Variants in LMAN1 observed in about 807,000 individuals in gnomAD.
The protein encoded by LMAN1 is lectin, mannose binding 1, also known as protein ERGIC-53.
Under a neutral mutation model 67.8 loss-of-function variants are expected in LMAN1, and 32 were observed. The ratio of observed to expected loss-of-function variants is 0.47; its 90% CI spans 0.36 to 0.63. The LOEUF (loss-of-function observed/expected upper bound fraction) is 0.63. Among genes scored for constraint, LMAN1 ranks in the 30% least tolerant of loss-of-function variants. The probability of loss-of-function intolerance (pLI) is 0.00; values close to 1 mark genes in which losing one functional copy is unlikely to be tolerated. For synonymous variants in LMAN1, 235 were observed against 219.3 expected (o/e 1.07, Z -0.63); for missense variants, 632 against 628.2 (o/e 1.01, Z -0.06).
chr18:59,347,124 A>C (rs922667430), intron 7 of LMAN1, among the ~76,000 whole-genome samples: 1 of 151,742 alleles, frequency 6.6e-6, no homozygotes, highest in Non-Finnish European at 1.5e-5. Flanking sequence ...CCAGCTACTC[A>C]GGAGGCTGAG....
chr18:59,352,324 C>A (rs1298663516), intron 5 of LMAN1, among the ~76,000 whole-genome samples: 1 of 152,204 alleles, frequency 6.6e-6, no homozygotes, highest in African/African-American at 2.4e-5. Context: ...CTTGACTCAA[C>A]AACTGTGTTC....
In LMAN1 at chr18:59,357,634, A is replaced by G. The variant is rs376939370; in HGVS notation, c.214+1397T>C. On this transcript the variant is annotated intron_variant, in intron 1 of 12. Transcript: ENST00000251047. ...AACGAAATAACTGCACTCTACTTCA[A>G]CTACTTAATGACTTGGTCATTAAGT... is the stretch of plus-strand genomic sequence containing the variant. Among the ~76,000 whole-genome samples, 4 of 152,312 alleles carry G rather than the reference A, an allele frequency of 2.6e-5. No individual in the cohort carries two copies. The East Asian group carries it at 7.7e-4, about 29-fold the overall frequency.
intron 10 of LMAN1, among the ~76,000 whole-genome samples, chr18:59,334,203 C>T (rs1374910102): frequency 6.6e-6 from 1 of 152,170 alleles, no homozygotes; most frequent in Non-Finnish European, 1.5e-5. Context: ...CATGAACTTG[C>T]TTAGGTATAA....
chr18:59,347,139 G>A (rs1908428899), intron 7 of LMAN1, among the ~76,000 whole-genome samples: 1 of 151,420 alleles, frequency 6.6e-6, no homozygotes, highest in East Asian at 2.0e-4. Flanking sequence ...GCTGAGGCAG[G>A]AGAAGTGCAG....
intron 10 of LMAN1, among the ~76,000 whole-genome samples, chr18:59,337,499 T>C (rs982572645): frequency 2.0e-5 from 3 of 152,166 alleles, no homozygotes; most frequent in African/African-American, 7.2e-5. Context: ...ACCATGGTTA[T>C]ATAAATTAGA....
At chr18:59,356,209 TATATAC>T (rs1215744494) in intron 1 of LMAN1, among the ~76,000 whole-genome samples, 2 of 152,192 alleles carry the variant, frequency 1.3e-5, no homozygotes, top group Admixed American at 1.3e-4. Flanking sequence ...ATACTGTACT[TATATAC>T]ATTCTTCCAT....
chr18:59,350,372 T>C (rs1908513389), intron 5 of LMAN1, among the ~76,000 whole-genome samples: 1 of 152,242 alleles, frequency 6.6e-6, no homozygotes, highest in African/African-American at 2.4e-5. Flanking sequence ...TTAAAAAGAC[T>C]GTAGATTATT....
chr18:59,348,763 C>A (rs1413398204), intron 6 of LMAN1, among the ~76,000 whole-genome samples: 1 of 152,170 alleles, frequency 6.6e-6, no homozygotes, highest in Non-Finnish European at 1.5e-5. Flanking sequence ...TGTGACTAGC[C>A]AAGACTGCTA....
chr18:59,349,063 A>T (rs1225577308), intron 6 of LMAN1, 50 bp downstream of exon 6: 8 of 1,609,292 alleles, frequency 5.0e-6, no homozygotes, highest in Non-Finnish European at 6.8e-6. Context: ...TACTATTCCC[A>T]ATAAAACACA....
chr18:59,349,396 TAAAA>T (rs992958054), intron 5 of LMAN1, among the ~76,000 whole-genome samples, 160 bp from the exon 6 acceptor site: 1 of 152,142 alleles, frequency 6.6e-6, no homozygotes, highest in Non-Finnish European at 1.5e-5. Flanking sequence ...ATATTTTACT[TAAAA>T]AAATGAGTTT....
At chr18:59,333,409 T>C (rs1020755058) in intron 10 of LMAN1, 165 bp from the exon 11 acceptor site, 13 of 602,748 alleles carry the variant, frequency 2.2e-5, no homozygotes, top group Non-Finnish European at 3.7e-5. Context: ...AATTGGAAAA[T>C]AATTTATAAA....
At chr18:59,339,059 C>T in intron 8 of LMAN1, 106 bp from the exon 9 acceptor site, 1 of 797,106 alleles carries the variant, frequency 1.3e-6, no homozygotes, top group East Asian at 2.5e-5. Context: ...TAGGACATCA[C>T]CATCACAGTG....
intron 3 of LMAN1, 52 bp downstream of exon 3, chr18:59,355,261 A>C: frequency 7.5e-7 from 1 of 1,330,504 alleles, no homozygotes; most frequent in Non-Finnish European, 1.1e-6. Flanking sequence ...TCACAGCCTA[A>C]CTCTGTTGAT....
intron 8 of LMAN1, 117 bp from the exon 9 acceptor site, chr18:59,339,070 G>A (rs891642987): frequency 6.7e-6 from 5 of 742,582 alleles, no homozygotes; most frequent in African/African-American, 1.7e-5. Flanking sequence ...CATCACAGTG[G>A]TACAATCTCC....
At chr18:59,357,334 T>C (rs1908681991) in intron 1 of LMAN1, among the ~76,000 whole-genome samples, 1 of 152,224 alleles carries the variant, frequency 6.6e-6, no homozygotes, top group African/African-American at 2.4e-5. Flanking sequence ...TTGATTAACA[T>C]TCCTAATTGG....
At chr18:59,345,537 T>A (rs769427499) in intron 8 of LMAN1, among the ~76,000 whole-genome samples, 2 of 152,236 alleles carry the variant, frequency 1.3e-5, no homozygotes, top group Non-Finnish European at 2.9e-5. Context: ...ACACTTTTGA[T>A]GATTTCAGTC....
Position 59,346,047 on chromosome 18 carries a change from G to T in LMAN1, c.827C>A (p.Thr276Lys). Reference protein sequence around the residue: ...QLTEPGKEPPTPDKEISEKEK... With the variant: ...QLTEPGKEPPKPDKEISEKEK... ...CTTTTCCGAAATTTCTTTATCTGGT[G>T]TGGGCTTTTTTTTGGAGTTTTGGAA... The change falls in exon 8 of 13, where the codon ACA becomes AAA. Residue 276 changes from threonine to lysine, a missense_variant. Thr to Lys is a moderately conservative substitution (Grantham distance 78). Transcript: ENST00000251047. 1 of 1,608,494 alleles carries T rather than the reference G, an allele frequency of 6.2e-7. No homozygotes were observed.
chr18:59,336,037 AG>A (rs1328245754), intron 10 of LMAN1, among the ~76,000 whole-genome samples: 1 of 152,218 alleles, frequency 6.6e-6, no homozygotes, highest in Non-Finnish European at 1.5e-5. Flanking sequence ...TTAACTCTGT[AG>A]TGTTCAGTCC....
intron 7 of LMAN1, among the ~76,000 whole-genome samples, 155 bp from the exon 8 acceptor site, chr18:59,346,206 ACT>A (rs1317606150): frequency 6.4e-5 from 6 of 94,386 alleles, no homozygotes; most frequent in Non-Finnish European, 1.1e-4. Flanking sequence ...ATAGCAAATT[ACT>A]CTTTTTTTTT....
Sources: allele counts gnomAD v4.1 joint callset (sites outside exome capture counted in the v4.1 genomes callset), GRCh38; gene constraint gnomAD v4.1.1; transcripts MANE v1.5; gene names NCBI Gene and HGNC (gene_info 2026-07-23, HGNC 2026-07-21).